GABRQ: variants seen among roughly 807,000 people sequenced by gnomAD.
GABRQ encodes gamma-aminobutyric acid receptor subunit theta.
A neutral mutation model predicts 30.5 loss-of-function variants in GABRQ; 19 were observed. The ratio of observed to expected loss-of-function variants is 0.62; its 90% CI spans 0.43 to 0.91. The LOEUF is 0.91. Among genes scored for constraint, GABRQ ranks in the 40% least tolerant of loss-of-function variants. The pLI is 0.00. For missense variants in GABRQ, 520 were observed against 521.4 expected (o/e 1.00, Z 0.03); for synonymous variants, 187 against 210.2 (o/e 0.89, Z 0.95).
Position 152,638,166 on chromosome X carries a change from G to C in GABRQ, c.-37G>C, listed in dbSNP as rs371693124. The C allele has an allele frequency of 8.4e-7, 1 of 1,188,087 alleles. No individual in the cohort carries two copies. The highest frequency in any genetic ancestry group is 1.7e-5 in the African/African-American group (1 of 57,282). Reference sequence around the variant, plus strand: ...CACCTCTGTTCCTTTTCGCGGCCCCGTCTCCCGCGCCCTCAGGCGCCCAGA... The same window carrying C: ...CACCTCTGTTCCTTTTCGCGGCCCCCTCTCCCGCGCCCTCAGGCGCCCAGA... On this transcript the variant is annotated 5_prime_UTR_variant, in exon 1 of 9. Transcript: ENST00000598523.
rs1556817716 is a variant in GABRQ, at chrX:152,638,206, G to A, written c.4G>A (p.Gly2Ser). ...AGGCGCCCAGAACGCCCCGGCCATGGGCATCCGAGGCATGCTGCGAGCCGC... is the reference window on the plus strand; with the variant it reads ...AGGCGCCCAGAACGCCCCGGCCATGAGCATCCGAGGCATGCTGCGAGCCGC... M[G>S]IRGMLRAAVI... is the part of the protein sequence containing the mutation. Residue 2 changes from glycine to serine, a missense_variant, in exon 1 of 9, where the codon GGC becomes AGC. Gly to Ser is a moderately conservative substitution (Grantham distance 56). Transcript: ENST00000598523. 3 of 1,209,567 alleles carry A rather than the reference G, an allele frequency of 2.5e-6. No individual in the cohort carries two copies. Among genetic ancestry groups the A allele is most frequent in the Non-Finnish European group, 3.4e-6 (3 of 894,221 alleles).
intron 2 of GABRQ, among the ~76,000 whole-genome samples, chrX:152,644,359 C>T (rs1724439124): frequency 8.9e-6 from 1 of 112,531 alleles, no homozygotes; most frequent in African/African-American, 3.2e-5. Flanking sequence ...CACACATGAA[C>T]GTGTTCACAA....
At chrX:152,643,647 A>G (rs782462996) in intron 2 of GABRQ, among the ~76,000 whole-genome samples, 77 of 112,580 alleles carry the variant, frequency 6.8e-4, no homozygotes, top group African/African-American at 2.4e-3. Context: ...CAGTGCTAAC[A>G]CCTGGGTGTG....
At chrX:152,645,438 A>G in intron 2 of GABRQ, 89 bp from the exon 3 acceptor site, 3 of 587,578 alleles carry the variant, frequency 5.1e-6, no homozygotes, top group Non-Finnish European at 8.8e-6. Context: ...AGTTTCAAAG[A>G]GGGTTCAAAC....
At chrX:152,641,765 G>GGAGTA (rs1930763577) in intron 2 of GABRQ, among the ~76,000 whole-genome samples, 1 of 112,752 alleles carries the variant, frequency 8.9e-6, no homozygotes, top group African/African-American at 3.2e-5. Flanking sequence ...GGGAATCCAG[G>GGAGTA]TGTTAGAGTA....
intron 8 of GABRQ, 65 bp from the exon 9 acceptor site, chrX:152,652,476 T>TC: frequency 6.6e-6 from 6 of 902,747 alleles, no homozygotes; most frequent in Non-Finnish European, 9.3e-6. Flanking sequence ...CCCTCCTCCC[T>TC]CCCCCCAGTG....
downstream of GABRQ, among the ~76,000 whole-genome samples, chrX:152,658,223 T>C (rs2124922911): frequency 9.0e-6 from 1 of 111,647 alleles, no homozygotes; most frequent in Admixed American, 9.5e-5. Context: ...TCTAGTCCTG[T>C]CTCTCCCTGG....
intron 1 of GABRQ, 90 bp downstream of exon 1, chrX:152,638,441 G>T: frequency 1.1e-6 from 1 of 938,092 alleles, no homozygotes; most frequent in Non-Finnish European, 1.5e-6. Context: ...CGGGCTGGGG[G>T]CGACTCGGGC....
chrX:152,658,772 T>TATTATA (rs1931195459), downstream of GABRQ, among the ~76,000 whole-genome samples: 2 of 112,254 alleles, frequency 1.8e-5, no homozygotes, highest in Non-Finnish European at 3.8e-5. Flanking sequence ...CTACTGTTGG[T>TATTATA]CTGCCTCTCG....
Position 152,654,676 on chromosome X carries a change from C to T in GABRQ, c.*1395C>T, listed in dbSNP as rs4469624. 0.11 allele frequency: 11,783 copies of T among 111,503 alleles called. 603 individuals are homozygous for T. Among genetic ancestry groups the T allele is most frequent in the Non-Finnish European group, 0.16 (8,325 of 52,967 alleles). The allele number at this position is 111,503 out of a possible 1,213,427, so 9.2% of individuals were successfully genotyped here. On this transcript the variant is annotated 3_prime_UTR_variant, in exon 9 of 9. Transcript: ENST00000598523. ...TCTGCCCACTGAGCAGGGCCCCTAA[C>T]GGAAGTAGGATTGGCCAGCATTCCA...
chrX:152,651,642 T>C lies in GABRQ; in HGVS notation c.1018T>C (p.Phe340Leu). The change falls in exon 8 of 9, where the codon TTC becomes CTC. Residue 340 changes from phenylalanine to leucine, a missense_variant. By Grantham distance (22) the Phe-to-Leu change is conservative (BLOSUM62 0). Transcript: ENST00000598523. ...TATCCTCGTGTGCTTGTTCTTTGTG[T>C]TCCTGTCCTTGCTGGAGTATGTCTA... ...IYILVCLFFV[F>L]LSLLEYVYIN... The C allele has an allele frequency of 8.3e-7, 1 of 1,211,503 alleles. No homozygotes were observed. Among genetic ancestry groups the C allele is most frequent in the South Asian group, 1.8e-5 (1 of 56,985 alleles).
Position 152,652,645 on chromosome X carries a change from C to T in GABRQ, c.1263C>T (p.Ser421=), listed in dbSNP as rs1556820443. The change falls in exon 9 of 9, where the codon TCC becomes TCT. Residue 421 remains serine (S), a synonymous_variant. Transcript: ENST00000598523. The part of the protein sequence containing the change: ...PESLGSLTST[S]EQAQLATSES... The stretch of plus-strand genomic sequence containing the variant: ...GCCTCGGTTCTTTGACGTCCACCTC[C>T]GAGCAGGCCCAGCTGGCCACCTCGG... The T allele has an allele frequency of 1.6e-5, 19 of 1,209,749 alleles. No individual in the cohort carries two copies. Among genetic ancestry groups the T allele is most frequent in the East Asian group, 3.0e-5 (1 of 33,730 alleles).
At chrX:152,647,263 C>T in intron 4 of GABRQ, 95 bp downstream of exon 4, 2 of 616,064 alleles carry the variant, frequency 3.2e-6, no homozygotes, top group Non-Finnish European at 5.1e-6. Flanking sequence ...CAAAGGCACC[C>T]ACTGCTTTCC....
In GABRQ at chrX:152,652,959, G is replaced by T; in HGVS notation, c.1577G>T (p.Gly526Val). The part of the protein sequence containing the change: ...GKPMLHHGEK[G>V]VQEAGWDLDD... The stretch of plus-strand genomic sequence containing the variant: ...CCCATGCTTCACCATGGCGAGAAGG[G>T]TGTGCAAGAAGCAGGCTGGGACCTT... The change falls in exon 9 of 9, where the codon GGT (glycine) becomes GTT (valine). Residue 526 changes from glycine (G) to valine (V), a missense_variant. Transcript: ENST00000598523. The T allele has an allele frequency of 2.5e-6, 3 of 1,211,073 alleles. No individual in the cohort carries two copies. Among genetic ancestry groups the T allele is most frequent in the Non-Finnish European group, 3.4e-6 (3 of 894,511 alleles).
In GABRQ at chrX:152,640,450, G is replaced by C. The variant is rs1556818218; in HGVS notation, c.222G>C (p.Leu74=). ...DRVLSRYDVR[L]RPNFGGAPVP... ...TGCTGTCAAGATACGATGTCCGCCT[G>C]AGACCGAATTTTGGAGGTAAGGCAT... The change falls in exon 2 of 9, where the codon CTG becomes CTC. Residue 74 remains leucine, a synonymous_variant. Coordinates refer to ENST00000598523, the MANE Select transcript of GABRQ (RefSeq NM_018558.4). 8.5e-7 allele frequency: 1 copy of C among 1,180,428 alleles called. No homozygotes were observed. The highest frequency in any genetic ancestry group is 1.2e-6 in the Non-Finnish European group (1 of 866,755).
rs1931064351 is a variant in GABRQ, at chrX:152,652,865, C to T, written c.1483C>T (p.His495Tyr). The change falls in exon 9 of 9, where the codon CAT becomes TAT. Residue 495 changes from histidine (H) to tyrosine (Y), a missense_variant. Physicochemically the swap from His to Tyr is moderately conservative, Grantham distance 83. Coordinates refer to ENST00000598523, the MANE Select transcript of GABRQ (RefSeq NM_018558.4). ...CGAAGCCCATGGCCATGGTGTTACC[C>T]ATGACCATGAAGATTCCAATGAGAG... Reference protein sequence around the residue: ...RVEAHGHGVTHDHEDSNESLS... With the variant: ...RVEAHGHGVTYDHEDSNESLS... The T allele has an allele frequency of 1.7e-6, 2 of 1,211,209 alleles. No homozygotes were observed. The highest frequency in any genetic ancestry group is 1.1e-6 in the Non-Finnish European group (1 of 894,628).
chrX:152,641,946 A>T (rs1438188546), intron 2 of GABRQ, among the ~76,000 whole-genome samples: 1 of 111,477 alleles, frequency 9.0e-6, no homozygotes, highest in Non-Finnish European at 1.9e-5. Flanking sequence ...CCTTCTCCCC[A>T]CTGTTTCAGG....
At chrX:152,646,353 A>C (rs1930887011) in intron 3 of GABRQ, among the ~76,000 whole-genome samples, 1 of 112,304 alleles carries the variant, frequency 8.9e-6, no homozygotes, top group African/African-American at 3.2e-5. Context: ...CAGGGATATA[A>C]AGTGGAACTT....
At position 152,657,159 on chromosome X, in the gene GABRQ, G is replaced by A. The variant is rs782119122; in HGVS notation, c.*3878G>A. Reference sequence around the variant, plus strand: ...GTGGTGCCTGACATAGGGCAGTACCGGGGGATTCTTCAGAGGTCAGCCAAG... The same window carrying A: ...GTGGTGCCTGACATAGGGCAGTACCAGGGGATTCTTCAGAGGTCAGCCAAG... On this transcript the variant is annotated 3_prime_UTR_variant, in exon 9 of 9. Transcript: ENST00000598523. The A allele has an allele frequency of 1.1e-4, 12 of 112,004 alleles. No individual in the cohort carries two copies. The highest frequency in any genetic ancestry group is 1.7e-4 in the Non-Finnish European group (9 of 53,224). The allele number at this position is 112,004 out of a possible 1,213,427, so 9.2% of individuals were successfully genotyped here. A position where few individuals can be genotyped will look rare whatever the true frequency, so the allele number is the denominator to read the frequency against.
Sources: allele counts gnomAD v4.1 joint callset (sites outside exome capture counted in the v4.1 genomes callset), GRCh38; gene constraint gnomAD v4.1.1; transcripts MANE v1.5; gene names NCBI Gene and HGNC (gene_info 2026-07-23, HGNC 2026-07-21).